Variants in MAPKAP1 observed in about 807,000 individuals in gnomAD.
MAPKAP1 encodes target of rapamycin complex 2 subunit MAPKAP1.
A neutral mutation model predicts 65.7 loss-of-function variants in MAPKAP1; 20 were observed. The observed-to-expected ratio is 0.30, with a 90% CI of 0.21 to 0.44. MAPKAP1 has a LOEUF of 0.44. Among genes scored for constraint, MAPKAP1 ranks in the 20% least tolerant of loss-of-function variants. The pLI is 1.00. For synonymous variants in MAPKAP1, 222 were observed against 244.3 expected (o/e 0.91, Z 0.85); for missense variants, 423 against 648.0 (o/e 0.65, Z 3.77).
In MAPKAP1 at chr9:125,664,724, C is replaced by CAAAA. The variant is rs1199612669; in HGVS notation, c.349+5090_349+5093dup. On this transcript the variant is annotated intron_variant, in intron 3 of 11. Transcript: ENST00000265960. ...TGGGCAACAGAGCAAGACTCACTCT[C>CAAAA]AAAAAAAAAAAAAAAAGGAAAAGAA... is the stretch of plus-strand genomic sequence containing the variant. 6.7e-5 allele frequency among the ~76,000 whole-genome samples: 4 copies of CAAAA among 59,930 alleles called. 1 individual carries two copies. Among genetic ancestry groups the CAAAA allele is most frequent in the East Asian group, 6.5e-4 (1 of 1,538 alleles). The allele number at this position is 59,930 out of a possible 152,430, so 39.3% of individuals were successfully genotyped here.
At chr9:125,640,448 G>A (rs1267789015) in intron 4 of MAPKAP1, among the ~76,000 whole-genome samples, 9 of 151,542 alleles carry the variant, frequency 5.9e-5, no homozygotes, top group Admixed American at 5.9e-4. Flanking sequence ...TGAGGGACAG[G>A]GATTACCCTT....
At chr9:125,566,532 A>G (rs1020983873) in intron 5 of MAPKAP1, among the ~76,000 whole-genome samples, 3 of 152,044 alleles carry the variant, frequency 2.0e-5, no homozygotes, top group Non-Finnish European at 4.4e-5. Context: ...CCCCTGCAGC[A>G]GCATGGGCAA....
chr9:125,707,199 C>A lies in MAPKAP1; in HGVS notation c.-298G>T, dbSNP rs990326371. ...GAGCAGCAGCCCTATTACCCCGAGC[C>A]GCACACGACCCGGAACCACACCCCG... On this transcript the variant is annotated 5_prime_UTR_variant, in exon 1 of 12. Transcript: ENST00000265960. The A allele has an allele frequency of 7.5e-6, 3 of 398,048 alleles. No homozygotes were observed. The highest frequency in any genetic ancestry group is 1.3e-5 in the Non-Finnish European group (3 of 225,766). 24.7% of individuals were successfully genotyped at this position (398,048 alleles called of 1,614,324 possible).
At chr9:125,627,815 G>T (rs965673228) in intron 4 of MAPKAP1, among the ~76,000 whole-genome samples, 1 of 152,108 alleles carries the variant, frequency 6.6e-6, no homozygotes, top group Non-Finnish European at 1.5e-5. Flanking sequence ...AAGCATTCAG[G>T]TAAGAATTCC....
intron 10 of MAPKAP1, among the ~76,000 whole-genome samples, chr9:125,457,922 CT>C (rs1249447160): frequency 6.6e-6 from 1 of 152,212 alleles, no homozygotes; most frequent in Non-Finnish European, 1.5e-5. Context: ...CTTCCATACT[CT>C]ATTCTGCAAA....
chr9:125,569,893 A>G (rs1289606692), intron 5 of MAPKAP1, among the ~76,000 whole-genome samples: 1 of 152,242 alleles, frequency 6.6e-6, no homozygotes. Flanking sequence ...TAAAATAAAA[A>G]CTGTAATGCC....
intron 7 of MAPKAP1, among the ~76,000 whole-genome samples, chr9:125,541,917 C>T (rs1159431730): frequency 6.6e-6 from 1 of 152,220 alleles, no homozygotes; most frequent in Non-Finnish European, 1.5e-5. Context: ...ACGGCGCAGT[C>T]AGCTGGCAAA....
intron 7 of MAPKAP1, among the ~76,000 whole-genome samples, chr9:125,528,809 T>C (rs1265938311): frequency 2.2e-5 from 3 of 135,016 alleles, no homozygotes; most frequent in African/African-American, 5.8e-5. Flanking sequence ...ATCATGCCAT[T>C]GCACTCCAGC....
intron 7 of MAPKAP1, among the ~76,000 whole-genome samples, chr9:125,520,923 G>A (rs1212161499): frequency 6.6e-6 from 1 of 152,128 alleles, no homozygotes; most frequent in Non-Finnish European, 1.5e-5. Context: ...GACCATCATT[G>A]ACAGGGTCCA....
At chr9:125,454,970 G>A (rs1853111944) in intron 10 of MAPKAP1, among the ~76,000 whole-genome samples, 1 of 151,922 alleles carries the variant, frequency 6.6e-6, no homozygotes, top group Non-Finnish European at 1.5e-5. Flanking sequence ...AGAACTGCTT[G>A]AGGCTAGGAG....
At position 125,511,576 on chromosome 9, in the gene MAPKAP1, G is replaced by T. The variant is rs78396374; in HGVS notation, c.959-5159C>A. Among the ~76,000 whole-genome samples, 406 of 152,288 alleles carry T rather than the reference G, an allele frequency of 2.7e-3. 1 individual carries two copies. The highest frequency in any genetic ancestry group is 8.9e-3 in the African/African-American group (368 of 41,560). On this transcript the variant is annotated intron_variant, in intron 7 of 11. Coordinates refer to ENST00000265960, the MANE Select transcript of MAPKAP1 (RefSeq NM_001006617.3). ...TAACCCAGACCTATATCAAAGTACA[G>T]TCTCCATCAAATACTTGTTTAATTT...
chr9:125,693,691 A>ATATACACG (rs1391152862), intron 1 of MAPKAP1, among the ~76,000 whole-genome samples: 10 of 115,998 alleles, frequency 8.6e-5, no homozygotes, highest in African/African-American at 2.8e-4. Context: ...ATACACGTAT[A>ATATACACG]TATACACGTA....
intron 4 of MAPKAP1, among the ~76,000 whole-genome samples, chr9:125,647,280 T>C (rs1833755900): frequency 6.6e-6 from 1 of 152,228 alleles, no homozygotes; most frequent in South Asian, 2.1e-4. Flanking sequence ...AACACAGCTC[T>C]TATGATACTG....
chr9:125,478,214 C>CGTG (rs1244526916), intron 9 of MAPKAP1: 1 of 152,082 alleles, frequency 6.6e-6, no homozygotes, highest in Non-Finnish European at 1.5e-5. Flanking sequence ...TATCACAGTA[C>CGTG]GTGGACATTC....
chr9:125,679,898 C>T (rs1008488185), intron 1 of MAPKAP1, among the ~76,000 whole-genome samples: 1 of 152,184 alleles, frequency 6.6e-6, no homozygotes, highest in Non-Finnish European at 1.5e-5. Flanking sequence ...CGAGGCTTCA[C>T]AAAGGTCTGC....
At chr9:125,567,472 C>G (rs965591191) in intron 5 of MAPKAP1, 1 of 152,224 alleles carries the variant, frequency 6.6e-6, no homozygotes, top group Admixed American at 6.5e-5. Flanking sequence ...ATGGCAATAT[C>G]AGAAAGTTAC....
At chr9:125,450,551 G>A (rs1228624183) in intron 10 of MAPKAP1, among the ~76,000 whole-genome samples, 1 of 152,132 alleles carries the variant, frequency 6.6e-6, no homozygotes, top group Non-Finnish European at 1.5e-5. Context: ...GTGAGCTATG[G>A]GTCATGTTGC....
At chr9:125,446,036 C>T (rs925309171) in intron 10 of MAPKAP1, among the ~76,000 whole-genome samples, 1 of 152,160 alleles carries the variant, frequency 6.6e-6, no homozygotes, top group African/African-American at 2.4e-5. Context: ...TTCTATTAGT[C>T]CTTCTCATCC....
intron 5 of MAPKAP1, among the ~76,000 whole-genome samples, chr9:125,563,354 G>A (rs990556173): frequency 6.6e-6 from 1 of 152,114 alleles, no homozygotes; most frequent in Non-Finnish European, 1.5e-5. Context: ...AGACACAACT[G>A]GTTTTAATGC....
Sources: allele counts gnomAD v4.1 joint callset (sites outside exome capture counted in the v4.1 genomes callset), GRCh38; gene constraint gnomAD v4.1.1; transcripts MANE v1.5; gene names NCBI Gene and HGNC (gene_info 2026-07-23, HGNC 2026-07-21).